LPP: variants seen among roughly 807,000 people sequenced by gnomAD.
LPP encodes LIM domain containing preferred translocation partner in lipoma, also known as lipoma-preferred partner.
In LPP, 38 loss-of-function variants were observed where a neutral mutation model predicts 60.4. The ratio of observed to expected loss-of-function variants is 0.63; its 90% CI spans 0.49 to 0.83. The LOEUF is 0.83. Among genes scored for constraint, LPP ranks in the 40% least tolerant of loss-of-function variants. LPP has a pLI of 0.00. For missense variants in LPP, 902 were observed against 783.6 expected, an observed-to-expected ratio of 1.15 and a Z score of -1.80; for synonymous variants, 328 against 290.8, an observed-to-expected ratio of 1.13 and a Z score of -1.30.
intron 6 of LPP, among the ~76,000 whole-genome samples, chr3:188,600,479 A>G: frequency 6.6e-6 from 1 of 151,636 alleles, no homozygotes; most frequent in East Asian, 1.9e-4. Flanking sequence ...GGTATAAAAC[A>G]ATATTTTCTA....
chr3:188,757,787 C>T (rs747136176), intron 8 of LPP, among the ~76,000 whole-genome samples: 9 of 151,088 alleles, frequency 6.0e-5, no homozygotes, highest in African/African-American at 1.2e-4. Flanking sequence ...ATCCCTAATT[C>T]GTTTTCTGCA....
At chr3:188,300,345 G>A (rs1048380822) in intron 2 of LPP, among the ~76,000 whole-genome samples, 1 of 151,598 alleles carries the variant, frequency 6.6e-6, no homozygotes, top group Non-Finnish European at 1.5e-5. Flanking sequence ...ATATGCACAT[G>A]CATTTTGAGA....
chr3:188,720,624 G>C (rs988571828), intron 8 of LPP, among the ~76,000 whole-genome samples: 1 of 146,068 alleles, frequency 6.8e-6, no homozygotes, highest in African/African-American at 2.5e-5. Context: ...AAAAAAAAAA[G>C]GGAAATCACA....
chr3:188,614,989 G>T (rs1390352852), intron 7 of LPP, among the ~76,000 whole-genome samples: 2 of 152,104 alleles, frequency 1.3e-5, no homozygotes, highest in Non-Finnish European at 2.9e-5. Context: ...ACTTAATATG[G>T]AGTTCAGTCA....
chr3:188,231,159 C>G (rs550264156), intron 2 of LPP, among the ~76,000 whole-genome samples: 1 of 152,284 alleles, frequency 6.6e-6, no homozygotes, highest in East Asian at 1.9e-4. Context: ...CTGCCTCATT[C>G]TCTTTACGAG....
chr3:188,568,331 G>C (rs1309793908), intron 6 of LPP: 2 of 151,978 alleles, frequency 1.3e-5, no homozygotes, highest in Admixed American at 6.6e-5. Flanking sequence ...TGGTAATTCA[G>C]ATTTATTTTT....
At chr3:188,261,234 G>A (rs1309633525) in intron 2 of LPP, among the ~76,000 whole-genome samples, 2 of 152,080 alleles carry the variant, frequency 1.3e-5, no homozygotes, top group Non-Finnish European at 1.5e-5. Flanking sequence ...CTGTAGCTGC[G>A]AACTTCTGGG....
intron 4 of LPP, among the ~76,000 whole-genome samples, chr3:188,414,024 A>G: frequency 6.6e-6 from 1 of 152,132 alleles, no homozygotes. Flanking sequence ...CTTAAAACAG[A>G]TTTTGTGCCA....
intron 8 of LPP, among the ~76,000 whole-genome samples, chr3:188,753,907 C>T (rs1729142147): frequency 6.6e-6 from 1 of 152,098 alleles, no homozygotes; most frequent in African/African-American, 2.4e-5. Context: ...CAGATATACA[C>T]AAGCACAGTG....
intron 9 of LPP, among the ~76,000 whole-genome samples, chr3:188,845,677 C>T (rs944319697): frequency 2.6e-5 from 4 of 152,094 alleles, no homozygotes; most frequent in African/African-American, 9.7e-5. Context: ...CTATTAATGG[C>T]GACAGTATGC....
chr3:188,388,448 T>A (rs1341813637), intron 3 of LPP, among the ~76,000 whole-genome samples: 1 of 152,130 alleles, frequency 6.6e-6, no homozygotes, highest in Non-Finnish European at 1.5e-5. Flanking sequence ...CCTAGCCAGA[T>A]GCTGAGGTGC....
chr3:188,442,580 T>C (rs1794271256), intron 4 of LPP, among the ~76,000 whole-genome samples: 3 of 152,186 alleles, frequency 2.0e-5, no homozygotes, highest in African/African-American at 4.8e-5. Flanking sequence ...AACAGATTGG[T>C]GGCCCGGGCA....
intron 2 of LPP, among the ~76,000 whole-genome samples, chr3:188,306,247 A>ATTT (rs66669354): frequency 0.012 from 1,756 of 145,622 alleles, 38 homozygotes; most frequent in African/African-American, 0.041. Flanking sequence ...TGTCCAGCTA[A>ATTT]TTTTTTTTTT....
At chr3:188,183,200 G>A (rs1328420592) in intron 1 of LPP, among the ~76,000 whole-genome samples, 1 of 152,118 alleles carries the variant, frequency 6.6e-6, no homozygotes, top group East Asian at 1.9e-4. Context: ...TGGGCAGCTG[G>A]GAGTGTAGAA....
chr3:188,450,461 C>T (rs1392190060), intron 4 of LPP, among the ~76,000 whole-genome samples: 1 of 152,078 alleles, frequency 6.6e-6, no homozygotes, highest in Admixed American at 6.5e-5. Context: ...AATCGATTTA[C>T]AGGCCTGGTG....
chr3:188,240,985 T>G (rs1205502797), intron 2 of LPP, among the ~76,000 whole-genome samples: 1 of 152,358 alleles, frequency 6.6e-6, no homozygotes, highest in African/African-American at 2.4e-5. Context: ...TGAAAAATGT[T>G]AAGATGTTAC....
chr3:188,167,577 TTG>T (rs1187806177), intron 1 of LPP, among the ~76,000 whole-genome samples: 2 of 131,220 alleles, frequency 1.5e-5, no homozygotes, highest in African/African-American at 5.7e-5. Flanking sequence ...AATGTTATCT[TTG>T]TGTGTGTGTT....
In LPP at chr3:188,734,671, G is replaced by C. The variant is rs945831705; in HGVS notation, c.1241-25442G>C. On this transcript the variant is annotated intron_variant, in intron 8 of 11. Coordinates refer to ENST00000617246, the MANE Select transcript of LPP (RefSeq NM_001375462.1). ...AACAGCCTGTGGAACCTCCTTCCCT[G>C]GGGAATTTTGAGAACAGCAAAGAAC... 3.3e-4 allele frequency among the ~76,000 whole-genome samples: 50 copies of C among 152,190 alleles called. 3 individuals are homozygous for C. Among genetic ancestry groups the C allele is most frequent in the Non-Finnish European group, 2.9e-5 (2 of 68,026 alleles).
intron 1 of LPP, among the ~76,000 whole-genome samples, chr3:188,164,323 C>T (rs537938983): frequency 6.6e-6 from 1 of 152,280 alleles, no homozygotes; most frequent in South Asian, 2.1e-4. Flanking sequence ...CATCCAGTGG[C>T]CCATCTTGAT....
Sources: allele counts gnomAD v4.1 joint callset (sites outside exome capture counted in the v4.1 genomes callset), GRCh38; gene constraint gnomAD v4.1.1; transcripts MANE v1.5; gene names NCBI Gene and HGNC (gene_info 2026-07-23, HGNC 2026-07-21).